RGS9: variants seen among roughly 807,000 people sequenced by gnomAD.
The protein encoded by RGS9 is regulator of G-protein signalling 9.
A neutral mutation model predicts 102.0 loss-of-function variants in RGS9; 78 were observed. The observed-to-expected ratio is 0.76, with a 90% CI of 0.64 to 0.92. The LOEUF (loss-of-function observed/expected upper bound fraction) is 0.92, where lower values mean the gene tolerates loss of function less well. Ranked by LOEUF, RGS9 falls within the 40% of genes least tolerant of loss-of-function variation. The pLI is 0.00. For synonymous variants in RGS9, 353 were observed against 318.6 expected (o/e 1.11, Z -1.15); for missense variants, 833 against 866.1 (o/e 0.96, Z 0.48).
intron 18 of RGS9, among the ~76,000 whole-genome samples, chr17:65,227,066 A>G (rs143573071): frequency 4.6e-4 from 70 of 152,318 alleles, no homozygotes; most frequent in African/African-American, 1.6e-3. Flanking sequence ...GAAAATATGA[A>G]TCCCCAATAA....
At chr17:65,217,186 C>T (rs1913550574) in intron 17 of RGS9, among the ~76,000 whole-genome samples, 1 of 152,182 alleles carries the variant, frequency 6.6e-6, no homozygotes, top group South Asian at 2.1e-4. Context: ...CTTCCACTTC[C>T]CAGCCACCCT....
At chr17:65,223,207 G>A (rs1445958110) in intron 17 of RGS9, among the ~76,000 whole-genome samples, 1 of 152,158 alleles carries the variant, frequency 6.6e-6, no homozygotes, top group African/African-American at 2.4e-5. Flanking sequence ...TCAGTCCAGG[G>A]CCTCACATTT....
Position 65,227,502 on chromosome 17 carries a change from A to G in RGS9, c.*95A>G, listed in dbSNP as rs957317881. ...ACAGGACACACTTGCTCGAGAACCA[A>G]AGTGCATTTGGGTGACATTTGAAGA... On this transcript the variant is annotated 3_prime_UTR_variant, in exon 19 of 19. Transcript: ENST00000262406. 2.7e-6 allele frequency: 4 copies of G among 1,494,462 alleles called. No homozygotes were observed. Among genetic ancestry groups the G allele is most frequent in the Non-Finnish European group, 3.6e-6 (4 of 1,098,140 alleles). 92.6% of individuals were successfully genotyped at this position (1,494,462 alleles called of 1,614,324 possible). A position where few individuals can be genotyped will look rare whatever the true frequency, so the allele number is the denominator to read the frequency against.
At chr17:65,158,713 G>A (rs749757190) in intron 3 of RGS9, 96 of 378,334 alleles carry the variant, frequency 2.5e-4, no homozygotes, top group South Asian at 1.4e-3. Flanking sequence ...GTTTAGAAAT[G>A]GAATGAGTGG....
At position 65,208,028 on chromosome 17, in the gene RGS9, T is replaced by C. The variant is rs764349239; in HGVS notation, c.1289+21T>C. The C allele has an allele frequency of 2.6e-6, 4 of 1,539,660 alleles. No homozygotes were observed. The African/African-American group carries it at 5.5e-5, about 21-fold the overall frequency. Reference sequence around the variant, plus strand: ...AAAAGGCAAGTGGAATTATCTGTAATTGCTGGCTGCCTGCTGCTTAGTTTA... The same window carrying C: ...AAAAGGCAAGTGGAATTATCTGTAACTGCTGGCTGCCTGCTGCTTAGTTTA... On this transcript the variant is annotated intron_variant, in intron 16 of 18. Transcript: ENST00000262406.
Position 65,189,332 on chromosome 17 carries a change from T to C in RGS9, c.684+17T>C, listed in dbSNP as rs372989120. Reference sequence around the variant, plus strand: ...AAAAAAGAGGTAATTAGTCTTACACTTCCAGTGAAGAATGGTTTTAAATCT... The same window carrying C: ...AAAAAAGAGGTAATTAGTCTTACACCTCCAGTGAAGAATGGTTTTAAATCT... On this transcript the variant is annotated intron_variant, in intron 10 of 18. Transcript: ENST00000262406. 2.6e-5 allele frequency: 42 copies of C among 1,592,748 alleles called. 1 individual carries two copies. In the African/African-American group the frequency reaches 5.4e-4, roughly 20 times the overall value.
At position 65,227,304 on chromosome 17, in the gene RGS9, C is replaced by T. The variant is rs201938939; in HGVS notation, c.1922C>T (p.Thr641Met). ...NFFQIKMDVP[T>M]GSGTCLMDSE... ...TTCCAGATCAAAATGGATGTGCCCA[C>T]GGGGAGCGGGACCTGCTTGATGGAC... Residue 641 changes from threonine to methionine, a missense_variant, in exon 19 of 19, where the codon ACG becomes ATG. By Grantham distance (81) the Thr-to-Met change is moderately conservative. Coordinates refer to ENST00000262406, the MANE Select transcript of RGS9 (RefSeq NM_003835.4). The T allele has an allele frequency of 1.4e-5, 22 of 1,614,116 alleles. No homozygotes were observed. The highest frequency in any genetic ancestry group is 1.6e-4 in the Middle Eastern group (1 of 6,062).
intron 17 of RGS9, among the ~76,000 whole-genome samples, chr17:65,223,856 T>C (rs549409214): frequency 6.6e-6 from 1 of 151,558 alleles, no homozygotes; most frequent in African/African-American, 2.4e-5. Context: ...GTTCAAGTGA[T>C]CCTCCTGCCT....
intron 17 of RGS9, among the ~76,000 whole-genome samples, chr17:65,215,497 G>A (rs9889740): frequency 5.2e-5 from 7 of 133,646 alleles, no homozygotes; most frequent in South Asian, 2.5e-4. Flanking sequence ...TCGTTCTTTC[G>A]TTCTTTCTTT....
chr17:65,155,614 C>T (rs1034840935), intron 2 of RGS9, among the ~76,000 whole-genome samples: 37 of 152,096 alleles, frequency 2.4e-4, no homozygotes, highest in Non-Finnish European at 1.6e-4. Context: ...AATTATGGCT[C>T]ACTGCAGCCT....
intron 7 of RGS9, among the ~76,000 whole-genome samples, chr17:65,165,203 G>A (rs933806267): frequency 6.6e-6 from 1 of 152,040 alleles, no homozygotes; most frequent in African/African-American, 2.4e-5. Context: ...GGCGCTCTGG[G>A]TGCTCTTGAA....
At chr17:65,209,773 T>C (rs116051212) in intron 16 of RGS9, among the ~76,000 whole-genome samples, 1,713 of 152,306 alleles carry the variant, frequency 0.011, 30 homozygotes, top group African/African-American at 0.04. Context: ...CCCAGAACCA[T>C]AGCTTTTGAA....
rs377260645 is a variant in RGS9, at chr17:65,173,367, C to G, written c.583-4365C>G. The stretch of plus-strand genomic sequence containing the variant: ...TGAGAGAAGGAGGGGCAGGGGGACA[C>G]GGTGGAGTACCACCGAGAAGTGTCC... On this transcript the variant is annotated intron_variant, in intron 8 of 18. Transcript: ENST00000262406. The surrounding 1 kb of genome is among the most constrained non-coding windows in gnomAD (Gnocchi z 4.8). 6.6e-6 allele frequency among the ~76,000 whole-genome samples: 1 copy of G among 151,304 alleles called. No individual in the cohort carries two copies. The highest frequency in any genetic ancestry group is 1.5e-5 in the Non-Finnish European group (1 of 67,840).
In RGS9 at chr17:65,160,557, C is replaced by T; in HGVS notation, c.334C>T (p.Gln112Ter). The change falls in exon 5 of 19, where the codon CAG becomes TAG. Residue 112 changes from glutamine to a stop codon, truncating the protein, a stop_gained. Coordinates refer to ENST00000262406, the MANE Select transcript of RGS9 (RefSeq NM_003835.4). LOFTEE classifies it high-confidence loss of function. ...GCAGACACCGTATTTCTGGCCCACC[C>T]AGCAGTGGCCAGCTGAAGATACCGA... is the stretch of plus-strand genomic sequence containing the variant. Reference protein sequence around the residue: ...RFQTPYFWPTQQWPAEDTDYA... With the variant: ...RFQTPYFWPT 6.2e-7 allele frequency: 1 copy of T among 1,614,204 alleles called. No homozygotes were observed. Among genetic ancestry groups the T allele is most frequent in the Non-Finnish European group, 8.5e-7 (1 of 1,180,032 alleles).
rs1406628297 is a variant in RGS9, at chr17:65,137,574, C to T, written c.34C>T (p.Pro12Ser). 2 of 1,613,028 alleles carry T rather than the reference C, an allele frequency of 1.2e-6. No homozygotes were observed. The highest frequency in any genetic ancestry group is 2.7e-5 in the African/African-American group (2 of 74,928). ...CCGACACCAAGGCCAGCAGTACAGG[C>T]CGAGGATGGCATTTCTCCAAAAGGT... is the stretch of plus-strand genomic sequence containing the variant. Reference protein sequence around the residue: ...TIRHQGQQYRPRMAFLQKIEA... With the variant: ...TIRHQGQQYRSRMAFLQKIEA... The change falls in exon 1 of 19, where the codon CCG (proline) becomes TCG (serine). Residue 12 changes from proline (P) to serine (S), a missense_variant. Transcript: ENST00000262406.
intron 14 of RGS9, 94 bp from the exon 15 acceptor site, chr17:65,204,068 CG>C (rs1912952968): frequency 1.4e-6 from 2 of 1,464,240 alleles, no homozygotes; most frequent in African/African-American, 2.8e-5. Context: ...CCTCGGTAAC[CG>C]ATTCGTATCA....
At chr17:65,184,358 G>T (rs1912021330) in intron 9 of RGS9, among the ~76,000 whole-genome samples, 1 of 152,018 alleles carries the variant, frequency 6.6e-6, no homozygotes, top group Non-Finnish European at 1.5e-5. Context: ...TGCATAATAG[G>T]TCCCAAATAT....
At chr17:65,167,838 G>A (rs2144014081) in intron 7 of RGS9, among the ~76,000 whole-genome samples, 1 of 152,280 alleles carries the variant, frequency 6.6e-6, no homozygotes. Flanking sequence ...CCTGTCCGGG[G>A]GAGTTAGACC....
At chr17:65,202,141 T>C in intron 14 of RGS9, 61 bp downstream of exon 14, 1 of 1,153,304 alleles carries the variant, frequency 8.7e-7, no homozygotes. Flanking sequence ...CACCCCATTG[T>C]GCTTGAGGTG....
Sources: allele counts gnomAD v4.1 joint callset (sites outside exome capture counted in the v4.1 genomes callset), GRCh38; gene constraint gnomAD v4.1.1; non-coding constraint Gnocchi (gnomAD v3.1); transcripts MANE v1.5; gene names NCBI Gene and HGNC (gene_info 2026-07-23, HGNC 2026-07-21).